INAVA: variants seen among roughly 807,000 people sequenced by gnomAD.
The protein encoded by INAVA is innate immunity activator.
In INAVA, 32 loss-of-function variants were observed where a neutral mutation model predicts 55.3. That is an observed-to-expected ratio of 0.58 (90% CI 0.44 to 0.78). The LOEUF is 0.78. Among genes scored for constraint, INAVA ranks in the 30% least tolerant of loss-of-function variants. The pLI is 0.00. For missense variants in INAVA, 756 were observed against 786.4 expected, an observed-to-expected ratio of 0.96 and a Z score of 0.46; for synonymous variants, 294 against 329.4, an observed-to-expected ratio of 0.89 and a Z score of 1.16.
At position 200,895,097 on chromosome 1, in the gene INAVA, G is replaced by A. The variant is rs72746889; in HGVS notation, c.-95+10G>A. 13,476 of 985,698 alleles carry A rather than the reference G, an allele frequency of 0.014. 113 individuals are homozygous for A. Among genetic ancestry groups the A allele is most frequent in the Middle Eastern group, 0.018 (34 of 1,918 alleles). 61.1% of individuals were successfully genotyped at this position (985,698 alleles called of 1,614,324 possible). Reference sequence around the variant, plus strand: ...TAAAGCCCAGAAGCAGGTGAGGGCGGGGGAGGTGGAATGGGTCTTTGGGGC... The same window carrying A: ...TAAAGCCCAGAAGCAGGTGAGGGCGAGGGAGGTGGAATGGGTCTTTGGGGC... On this transcript the variant is annotated intron_variant, in intron 1 of 9. Transcript: ENST00000413687.
At chr1:200,908,332 A>G (rs547847279) in intron 6 of INAVA, among the ~76,000 whole-genome samples, 6 of 152,350 alleles carry the variant, frequency 3.9e-5, no homozygotes, top group African/African-American at 1.4e-4. Context: ...GTGGATCGAG[A>G]AGCTGTTGCA....
chr1:200,903,263 A>G (rs1445331285), intron 5 of INAVA, among the ~76,000 whole-genome samples: 2 of 152,170 alleles, frequency 1.3e-5, no homozygotes. Context: ...AGGTGGGCGG[A>G]TCATGAGGTT....
At chr1:200,897,300 C>A (rs1048435482) in intron 1 of INAVA, among the ~76,000 whole-genome samples, 3 of 152,250 alleles carry the variant, frequency 2.0e-5, no homozygotes, top group Non-Finnish European at 2.9e-5. Context: ...CCTGGGTCTC[C>A]CCTGGCTGTG....
intron 6 of INAVA, 54 bp from the exon 7 acceptor site, chr1:200,908,676 G>T: frequency 6.9e-7 from 1 of 1,458,416 alleles, no homozygotes; most frequent in Non-Finnish European, 9.2e-7. Flanking sequence ...GGAGGTTCTT[G>T]TTGGGCCGGT....
chr1:200,896,869 G>T (rs1018720413), intron 1 of INAVA, among the ~76,000 whole-genome samples: 1 of 152,200 alleles, frequency 6.6e-6, no homozygotes, highest in South Asian at 2.1e-4. Context: ...CTGCGGCCCC[G>T]CGCTCTGAGG....
chr1:200,903,032 C>G (rs1301646538), intron 5 of INAVA: 1 of 152,304 alleles, frequency 6.6e-6, no homozygotes, highest in Non-Finnish European at 1.5e-5. Flanking sequence ...CAAGATCCCA[C>G]TGGCCAACTT....
chr1:200,907,186 C>T (rs1432640328), intron 5 of INAVA, among the ~76,000 whole-genome samples: 3 of 152,144 alleles, frequency 2.0e-5, no homozygotes, highest in African/African-American at 2.4e-5. Flanking sequence ...TTTCCACTAC[C>T]AAGAAGCCCT....
At chr1:200,899,155 G>A (rs958926068) in intron 2 of INAVA, among the ~76,000 whole-genome samples, 1 of 151,672 alleles carries the variant, frequency 6.6e-6, no homozygotes. Context: ...GAAGGAGAAG[G>A]AAAAGAGGAA....
Position 200,907,480 on chromosome 1 carries a change from A to G in INAVA, c.521-354A>G, listed in dbSNP as rs376037519. On this transcript the variant is annotated intron_variant, in intron 5 of 9. Transcript: ENST00000413687. ...AGATCAGCCTGGGCAAGACAGCAAG[A>G]CCTCTTCTCTACAAAAAAAATAAAA... Among the ~76,000 whole-genome samples, 99 of 151,862 alleles carry G rather than the reference A, an allele frequency of 6.5e-4. 1 individual carries two copies. Among genetic ancestry groups the G allele is most frequent in the African/African-American group, 2.0e-3 (84 of 41,388 alleles).
At chr1:200,891,565 G>T (rs768787813), upstream of INAVA, 5 of 1,602,858 alleles carry the variant, frequency 3.1e-6, no homozygotes, top group African/African-American at 6.7e-5. Context: ...GAAGTTAAAT[G>T]AAATACCTCC....
Position 200,912,122 on chromosome 1 carries a change from G to A in INAVA, c.1629G>A (p.Leu543=), listed in dbSNP as rs1048873766. The A allele has an allele frequency of 9.0e-6, 14 of 1,548,452 alleles. No homozygotes were observed. The highest frequency in any genetic ancestry group is 1.2e-5 in the South Asian group (1 of 83,936). ...PLGREGFGRA[L]GPRAQVPTVC... ...GGAGAGAGGGCTTCGGACGAGCCCTGGGACCCCGGGCACAGGTACGGCTGC... is the reference window on the plus strand; with the variant it reads ...GGAGAGAGGGCTTCGGACGAGCCCTAGGACCCCGGGCACAGGTACGGCTGC... Residue 543 remains leucine, a synonymous_variant, in exon 9 of 10, where the codon CTG becomes CTA. Transcript: ENST00000413687.
At chr1:200,905,989 G>A (rs958502784) in intron 5 of INAVA, among the ~76,000 whole-genome samples, 1 of 152,160 alleles carries the variant, frequency 6.6e-6, no homozygotes, top group Non-Finnish European at 1.5e-5. Context: ...CCTAAACCAC[G>A]TTACTCAACT....
rs771965765 is a variant in INAVA, at chr1:200,900,954, G to A, written c.315G>A (p.Leu105=). Residue 105 remains leucine, a synonymous_variant, in exon 5 of 10, where the codon CTG becomes CTA. Coordinates refer to ENST00000413687, the MANE Select transcript of INAVA (RefSeq NM_001142569.3). ...TCTCTCAGGACCCCCTAAGCAGCCT[G>A]GAGCGCCAGCTGGCCCTGCAGCTGC... ...ALHREDPLSS[L]ERQLALQLQI... The A allele has an allele frequency of 4.5e-6, 7 of 1,551,974 alleles. No individual in the cohort carries two copies. Among genetic ancestry groups the A allele is most frequent in the Non-Finnish European group, 6.1e-6 (7 of 1,146,822 alleles).
At position 200,903,697 on chromosome 1, in the gene INAVA, G is replaced by A. The variant is rs770010133; in HGVS notation, c.520+2538G>A. On this transcript the variant is annotated intron_variant, in intron 5 of 9. Coordinates refer to ENST00000413687, the MANE Select transcript of INAVA (RefSeq NM_001142569.3). ...CGCATGCCTGTAATCCCAGCTACTC[G>A]GGAGGCTAAGGCAGGATAATCACTT... Among the ~76,000 whole-genome samples, 31 of 151,612 alleles carry A rather than the reference G, an allele frequency of 2.0e-4. No individual in the cohort carries two copies. The Middle Eastern group carries it at 0.01, about 50-fold the overall frequency.
chr1:200,894,638 A>G (rs1303500189), upstream of INAVA, among the ~76,000 whole-genome samples: 1 of 152,158 alleles, frequency 6.6e-6, no homozygotes, highest in Non-Finnish European at 1.5e-5. Flanking sequence ...TCAGGACAGG[A>G]GGGCACGCAG....
chr1:200,899,684 G>C (rs79727279), intron 3 of INAVA, 87 bp downstream of exon 3: 3 of 1,530,302 alleles, frequency 2.0e-6, no homozygotes, highest in Non-Finnish European at 2.6e-6. Flanking sequence ...TGGGGAGAGG[G>C]AGCCCCATTC....
chr1:200,903,311 C>T (rs1653341674), intron 5 of INAVA, among the ~76,000 whole-genome samples: 1 of 152,046 alleles, frequency 6.6e-6, no homozygotes, highest in Admixed American at 6.5e-5. Context: ...TAGTGAAACC[C>T]CATCTCTACT....
chr1:200,906,585 CT>C (rs1274919223), intron 5 of INAVA: 2 of 152,000 alleles, frequency 1.3e-5, no homozygotes, highest in Non-Finnish European at 2.9e-5. Context: ...AATGAGTTCC[CT>C]CTGATTTCTT....
At chr1:200,899,123 GGAGA>G (rs1653105689) in intron 2 of INAVA, among the ~76,000 whole-genome samples, 1 of 151,862 alleles carries the variant, frequency 6.6e-6, no homozygotes, top group South Asian at 2.1e-4. Context: ...GTGGGGAGAG[GGAGA>G]GAGAGAGACA....
Sources: gnomAD v4.1 joint callset for allele counts (sites outside exome capture counted in the v4.1 genomes callset) on GRCh38, gnomAD v4.1.1 for gene constraint, MANE v1.5 for transcripts, NCBI Gene and HGNC (gene_info 2026-07-23, HGNC 2026-07-21) for gene names.